Variants in GABRB3 observed in about 807,000 individuals in gnomAD.
GABRB3 encodes the protein gamma-aminobutyric acid receptor subunit beta-3.
A neutral mutation model predicts 52.1 loss-of-function variants in GABRB3; 14 were observed. That is an observed-to-expected ratio of 0.27 (90% CI 0.18 to 0.42). The LOEUF is 0.42. Among genes scored for constraint, GABRB3 ranks in the 10% least tolerant of loss-of-function variants. The probability of loss-of-function intolerance (pLI) is 1.00; values close to 1 mark genes in which losing one functional copy is unlikely to be tolerated. For synonymous variants in GABRB3, 260 were observed against 232.3 expected, an observed-to-expected ratio of 1.12 and a Z score of -1.08; for missense variants, 307 against 609.1, an observed-to-expected ratio of 0.50 and a Z score of 5.22.
chr15:26,724,505 G>C (rs1889721165), intron 3 of GABRB3, among the ~76,000 whole-genome samples: 1 of 152,070 alleles, frequency 6.6e-6, no homozygotes, highest in Non-Finnish European at 1.5e-5. Context: ...GCTGCCTCTT[G>C]CTTGTACAAT....
intron 3 of GABRB3, among the ~76,000 whole-genome samples, chr15:26,668,128 T>A (rs1022079277): frequency 6.6e-6 from 1 of 152,178 alleles, no homozygotes; most frequent in Non-Finnish European, 1.5e-5. Flanking sequence ...CCATTCTCCA[T>A]GAACCTTGAT....
intron 4 of GABRB3, among the ~76,000 whole-genome samples, chr15:26,598,035 T>C (rs1891459260): frequency 6.6e-6 from 1 of 152,176 alleles, no homozygotes; most frequent in Non-Finnish European, 1.5e-5. Context: ...AATTTAGTAT[T>C]AAACACTGAA....
At position 26,664,704 on chromosome 15, in the gene GABRB3, G is replaced by GTTTTTTTTTTTTTTTTTTTTTTTTTTGTT. The variant is rs1162139952; in HGVS notation, c.241-43171_241-43170insAACAAAAAAAAAAAAAAAAAAAAAAAAAA. Among the ~76,000 whole-genome samples the GTTTTTTTTTTTTTTTTTTTTTTTTTTGTT allele has an allele frequency of 2.1e-5, 2 of 95,224 alleles. 1 individual carries two copies. Among genetic ancestry groups the GTTTTTTTTTTTTTTTTTTTTTTTTTTGTT allele is most frequent in the Non-Finnish European group, 3.8e-5 (2 of 52,250 alleles). The allele number at this position is 95,224 out of a possible 152,430, so 62.5% of individuals were successfully genotyped here. ...CCTTATCATTTCTTTTCTTTTCTTT[G>GTTTTTTTTTTTTTTTTTTTTTTTTTTGTT]TTTTTTTTTTTTTTTTTTTGGTGGA... On this transcript the variant is annotated intron_variant, in intron 3 of 8. Transcript: ENST00000311550.
At chr15:26,608,719 T>C (rs1888475128) in intron 4 of GABRB3, among the ~76,000 whole-genome samples, 2 of 152,042 alleles carry the variant, frequency 1.3e-5, no homozygotes, top group African/African-American at 4.8e-5. Flanking sequence ...TCACTAATCA[T>C]TAGGGAAACA....
chr15:26,746,175 C>G (rs1890333472), intron 3 of GABRB3, among the ~76,000 whole-genome samples: 1 of 145,970 alleles, frequency 6.9e-6, no homozygotes, highest in Non-Finnish European at 1.5e-5. Flanking sequence ...TTAGGAATAT[C>G]TCACTGTGGC....
intron 3 of GABRB3, among the ~76,000 whole-genome samples, chr15:26,661,820 C>T (rs1038864252): frequency 2.6e-5 from 4 of 152,140 alleles, no homozygotes; most frequent in Non-Finnish European, 4.4e-5. Context: ...CATGGAACAG[C>T]GTCCTCCCAG....
intron 3 of GABRB3, among the ~76,000 whole-genome samples, chr15:26,686,591 T>C (rs902200192): frequency 1.2e-4 from 18 of 152,354 alleles, no homozygotes; most frequent in African/African-American, 4.1e-4. Context: ...ACAATTAACA[T>C]GATAACAGTG....
intron 4 of GABRB3, among the ~76,000 whole-genome samples, chr15:26,618,734 T>C (rs1892362142): frequency 1.3e-5 from 2 of 151,810 alleles, no homozygotes; most frequent in Admixed American, 6.6e-5. Flanking sequence ...ACAGGCAACC[T>C]ACAAAATGGG....
chr15:26,701,048 C>G (rs28594197), intron 3 of GABRB3, among the ~76,000 whole-genome samples: 3,438 of 133,136 alleles, frequency 0.026, 132 homozygotes, highest in African/African-American at 0.097. Context: ...GAGCGAGACT[C>G]GTCTCAAAAA....
chr15:26,625,479 G>T, intron 3 of GABRB3: 4 of 985,382 alleles, frequency 4.1e-6, no homozygotes, highest in Non-Finnish European at 4.8e-6. Flanking sequence ...CAGTCACAAA[G>T]AGATGGAATT....
At chr15:26,569,120 A>G (rs1890297953) in intron 6 of GABRB3, among the ~76,000 whole-genome samples, 1 of 152,066 alleles carries the variant, frequency 6.6e-6, no homozygotes, top group South Asian at 2.1e-4. Context: ...AAATATATGC[A>G]TTCTACAGGC....
chr15:26,558,888 TAAAG>T (rs1889866319), intron 8 of GABRB3, among the ~76,000 whole-genome samples: 1 of 151,722 alleles, frequency 6.6e-6, no homozygotes, highest in Non-Finnish European at 1.5e-5. Context: ...GGGTAATTTA[TAAAG>T]AAAGAGGTTT....
chr15:26,700,835 C>T (rs1435470681), intron 3 of GABRB3, among the ~76,000 whole-genome samples: 1 of 152,218 alleles, frequency 6.6e-6, no homozygotes, highest in Non-Finnish European at 1.5e-5. Flanking sequence ...GCGGGCAGAT[C>T]ATGAGGTCAG....
In GABRB3 at chr15:26,635,010, A is replaced by ATATATATATATATATATATAT. The variant is rs10676156; in HGVS notation, c.241-13477_241-13476insATATATATATATATATATATA. On this transcript the variant is annotated intron_variant, in intron 3 of 8. Transcript: ENST00000311550. ...AATATATATATATATATATATATAT[A>ATATATATATATATATATATAT]ATATATATATATTTAGAGAGGAAGA... Among the ~76,000 whole-genome samples the ATATATATATATATATATATAT allele has an allele frequency of 1.5e-3, 116 of 74,850 alleles. 21 individuals carry two copies. The highest frequency in any genetic ancestry group is 3.1e-3 in the South Asian group (6 of 1,920). 49.1% of individuals were successfully genotyped at this position (74,850 alleles called of 152,430 possible).
intron 3 of GABRB3, among the ~76,000 whole-genome samples, chr15:26,711,483 A>T (rs1259754410): frequency 6.6e-6 from 1 of 152,106 alleles, no homozygotes; most frequent in African/African-American, 2.4e-5. Context: ...TATCATTTCC[A>T]TCTGCTTCAT....
At chr15:26,746,537 T>C (rs1339819195) in intron 3 of GABRB3, among the ~76,000 whole-genome samples, 1 of 152,076 alleles carries the variant, frequency 6.6e-6, no homozygotes, top group Non-Finnish European at 1.5e-5. Flanking sequence ...GATGTTTTTA[T>C]GTTTTTTTCC....
chr15:26,583,421 T>C lies in GABRB3; in HGVS notation c.462-7A>G, dbSNP rs1404162429. 6.2e-7 allele frequency: 1 copy of C among 1,610,902 alleles called. No individual in the cohort carries two copies. The highest frequency in any genetic ancestry group is 1.7e-5 in the Admixed American group (1 of 60,010). ...TGCTGCTGTCGTGGTGATTCTGAAA[T>C]ACACAGGGTGAGGGAAGATATTAAA... On this transcript the variant is annotated splice_polypyrimidine_tract_variant and splice_region_variant and intron_variant, in intron 4 of 8. Coordinates refer to ENST00000311550, the MANE Select transcript of GABRB3 (RefSeq NM_000814.6).
At chr15:26,559,461 T>C (rs557781742) in intron 8 of GABRB3, among the ~76,000 whole-genome samples, 2 of 152,092 alleles carry the variant, frequency 1.3e-5, no homozygotes, top group Admixed American at 1.3e-4. Flanking sequence ...GGTATTCCTT[T>C]ATAGCAACAG....
At chr15:26,551,499 C>T (rs537212320) in intron 8 of GABRB3, among the ~76,000 whole-genome samples, 1 of 152,322 alleles carries the variant, frequency 6.6e-6, no homozygotes, top group South Asian at 2.1e-4. Context: ...CCTTCGCCTG[C>T]CCAGTGCTGA....
Sources: gnomAD v4.1 joint callset for allele counts (sites outside exome capture counted in the v4.1 genomes callset) on GRCh38, gnomAD v4.1.1 for gene constraint, MANE v1.5 for transcripts, NCBI Gene and HGNC (gene_info 2026-07-23, HGNC 2026-07-21) for gene names.